KIDINS220: variants seen among roughly 807,000 people sequenced by gnomAD.
The protein encoded by KIDINS220 is kinase D-interacting substrate of 220 kDa.
In KIDINS220, 63 loss-of-function variants were observed where a neutral mutation model predicts 157.6. That is an observed-to-expected ratio of 0.40 (90% CI 0.33 to 0.49). The LOEUF (loss-of-function observed/expected upper bound fraction) is 0.49, where lower values mean the gene tolerates loss of function less well. Ranked by LOEUF, KIDINS220 falls within the 20% of genes least tolerant of loss-of-function variation. The pLI is 0.66. For missense variants in KIDINS220, 1,772 were observed against 2,171.2 expected, an observed-to-expected ratio of 0.82 and a Z score of 3.65; for synonymous variants, 732 against 783.6, an observed-to-expected ratio of 0.93 and a Z score of 1.10.
At chr2:8,746,858 C>A (rs1666656382) in intron 26 of KIDINS220, 1 of 363,130 alleles carries the variant, frequency 2.8e-6, no homozygotes, top group Non-Finnish European at 5.0e-6. Flanking sequence ...AACGGAACAC[C>A]CCTGACAGCT....
At chr2:8,815,801 A>G (rs967106610) in intron 4 of KIDINS220, among the ~76,000 whole-genome samples, 1 of 152,246 alleles carries the variant, frequency 6.6e-6, no homozygotes, top group Non-Finnish European at 1.5e-5. Flanking sequence ...GTGTAGCTTT[A>G]TATTTCATGA....
At chr2:8,822,333 ATTTACAGGC>A (rs1242513351) in intron 2 of KIDINS220, among the ~76,000 whole-genome samples, 1 of 152,146 alleles carries the variant, frequency 6.6e-6, no homozygotes, top group Non-Finnish European at 1.5e-5. Flanking sequence ...TTTAAAGTCT[ATTTACAGGC>A]CAGGCGCAGT....
Position 8,750,348 on chromosome 2 carries a change from A to G in KIDINS220, c.3191-13T>C, listed in dbSNP as rs1667180718. The stretch of plus-strand genomic sequence containing the variant: ...GCAGCACGAACATCTGAAAGATTCA[A>G]TCAGACCCCAGAAGGCAAGAGAAAA... On this transcript the variant is annotated splice_polypyrimidine_tract_variant and intron_variant, in intron 23 of 29. Transcript: ENST00000256707. 2.0e-6 allele frequency: 3 copies of G among 1,520,020 alleles called. No homozygotes were observed. Among genetic ancestry groups the G allele is most frequent in the African/African-American group, 2.7e-5 (2 of 73,042 alleles). 94.2% of individuals were successfully genotyped at this position (1,520,020 alleles called of 1,614,324 possible).
chr2:8,806,420 G>T, intron 6 of KIDINS220, 51 bp from the exon 7 acceptor site: 2 of 1,115,788 alleles, frequency 1.8e-6, no homozygotes, highest in Non-Finnish European at 2.6e-6. Context: ...TATACTCAAA[G>T]AAACTAGCTC....
At chr2:8,745,210 T>C (rs1043301868) in intron 26 of KIDINS220, among the ~76,000 whole-genome samples, 1 of 152,210 alleles carries the variant, frequency 6.6e-6, no homozygotes, top group Non-Finnish European at 1.5e-5. Context: ...CTTCAAAACT[T>C]TGCTCAGGAA....
chr2:8,790,319 T>G (rs1011890150), intron 13 of KIDINS220, among the ~76,000 whole-genome samples: 2 of 152,174 alleles, frequency 1.3e-5, no homozygotes, highest in Admixed American at 6.5e-5. Context: ...CCTTCTCATA[T>G]ACTCCCATCT....
chr2:8,819,033 T>C (rs1677506757), intron 2 of KIDINS220, among the ~76,000 whole-genome samples: 1 of 152,320 alleles, frequency 6.6e-6, no homozygotes, highest in East Asian at 1.9e-4. Flanking sequence ...TTTTTGGCAC[T>C]GCAAATTCAT....
At chr2:8,788,586 G>A (rs1672744065) in intron 15 of KIDINS220, 61 bp downstream of exon 15, 11 of 1,536,346 alleles carry the variant, frequency 7.2e-6, no homozygotes, top group Non-Finnish European at 9.8e-6. Context: ...ACTTTCCGAA[G>A]TGAAAAATAT....
chr2:8,777,550 T>G (rs1572614215), intron 20 of KIDINS220, among the ~76,000 whole-genome samples: 1 of 152,324 alleles, frequency 6.6e-6, no homozygotes, highest in East Asian at 1.9e-4. Flanking sequence ...ATCCTTCCAC[T>G]TAATCCTCCC....
intron 27 of KIDINS220, among the ~76,000 whole-genome samples, chr2:8,736,347 TATGCAA>T (rs914695412): frequency 3.9e-5 from 6 of 152,330 alleles, no homozygotes; most frequent in African/African-American, 1.4e-4. Context: ...AAAAAAAAAC[TATGCAA>T]ATGCATTAAC....
intron 1 of KIDINS220, among the ~76,000 whole-genome samples, chr2:8,834,248 C>T (rs1308493522): frequency 3.9e-5 from 6 of 152,044 alleles, no homozygotes; most frequent in African/African-American, 4.8e-5. Flanking sequence ...AACATCCCAA[C>T]GGTTGTCCTC....
chr2:8,789,580 G>A (rs1028004478), intron 14 of KIDINS220, among the ~76,000 whole-genome samples: 3 of 152,136 alleles, frequency 2.0e-5, no homozygotes, highest in East Asian at 1.9e-4. Flanking sequence ...GAGAGCCACC[G>A]CACCCGGCCC....
chr2:8,783,195 C>CAA (rs1411253657), intron 17 of KIDINS220, among the ~76,000 whole-genome samples: 1 of 66,016 alleles, frequency 1.5e-5, no homozygotes, highest in Non-Finnish European at 4.1e-5. Flanking sequence ...AAAACTCCGT[C>CAA]TCAAAAAAAA....
intron 28 of KIDINS220, among the ~76,000 whole-genome samples, chr2:8,734,218 G>T (rs758806701): frequency 6.6e-6 from 1 of 152,042 alleles, no homozygotes; most frequent in Admixed American, 6.6e-5. Flanking sequence ...TCACCTGGGG[G>T]TGGGGGGGTT....
At chr2:8,758,066 C>A (rs1572527285) in intron 22 of KIDINS220, among the ~76,000 whole-genome samples, 1 of 152,076 alleles carries the variant, frequency 6.6e-6, no homozygotes, top group African/African-American at 2.4e-5. Context: ...TTTCACCATG[C>A]TGGCCAGGCT....
intron 6 of KIDINS220, among the ~76,000 whole-genome samples, chr2:8,809,007 T>C (rs1364906383): frequency 1.9e-5 from 2 of 103,860 alleles, no homozygotes; most frequent in African/African-American, 7.4e-5. Context: ...TATCTTTTTT[T>C]GGTTTGTTTG....
chr2:8,726,327 G>A (rs932343419), downstream of KIDINS220, among the ~76,000 whole-genome samples: 6 of 152,192 alleles, frequency 3.9e-5, no homozygotes, highest in East Asian at 1.9e-4. Flanking sequence ...ACGTGTGTGC[G>A]ACACACACCA....
Position 8,785,996 on chromosome 2 carries a change from T to C in KIDINS220, c.1974A>G (p.Pro658=), listed in dbSNP as rs374443314. 12 of 1,610,706 alleles carry C rather than the reference T, an allele frequency of 7.5e-6. No homozygotes were observed. In the African/African-American group the frequency reaches 1.5e-4, roughly 20 times the overall value. The change falls in exon 17 of 30, where the codon CCA becomes CCG. Residue 658 remains proline, a synonymous_variant. Transcript: ENST00000256707. ...KKKWKKTCCL[P]SFVIFLFIIG... is the part of the protein sequence containing the mutation. ...TGATAAAAAGGAAGATGACAAAAGA[T>C]GGGAGACAACATGTTTTTTTCCATT...
chr2:8,768,888 T>G (rs1406782611), intron 22 of KIDINS220, among the ~76,000 whole-genome samples: 1 of 152,224 alleles, frequency 6.6e-6, no homozygotes, highest in Admixed American at 6.5e-5. Context: ...TTTAAGTCAA[T>G]TCATACGAAT....
Sources: allele counts gnomAD v4.1 joint callset (sites outside exome capture counted in the v4.1 genomes callset), GRCh38; gene constraint gnomAD v4.1.1; transcripts MANE v1.5; gene names NCBI Gene and HGNC (gene_info 2026-07-23, HGNC 2026-07-21).